Variants in DACH1 observed in about 807,000 individuals in gnomAD.
DACH1 encodes the protein dachshund homolog 1.
A neutral mutation model predicts 54.2 loss-of-function variants in DACH1; 12 were observed. That is an observed-to-expected ratio of 0.22 (90% confidence interval 0.14 to 0.36). The LOEUF is 0.36. DACH1 is among the 10% of genes least tolerant of loss of function. The probability of loss-of-function intolerance (pLI) is 1.00; values close to 1 mark genes in which losing one functional copy is unlikely to be tolerated. For synonymous variants in DACH1, 386 were observed against 366.2 expected (o/e 1.05, Z -0.62); for missense variants, 805 against 929.8 (o/e 0.87, Z 1.75).
At chr13:71,440,879 G>A (rs1873953634) in intron 10 of DACH1, among the ~76,000 whole-genome samples, 187 bp from the exon 11 acceptor site, 1 of 151,960 alleles carries the variant, frequency 6.6e-6, no homozygotes, top group African/African-American at 2.4e-5. Flanking sequence ...TTATGTGACT[G>A]AAAAGAATAC....
intron 1 of DACH1, among the ~76,000 whole-genome samples, chr13:71,741,822 G>C (rs1194553378): frequency 1.3e-5 from 2 of 152,006 alleles, no homozygotes; most frequent in Non-Finnish European, 2.9e-5. Context: ...CTTAGTCAAA[G>C]AATGAAACAG....
At chr13:71,828,221 G>T (rs1888452553) in intron 1 of DACH1, among the ~76,000 whole-genome samples, 1 of 151,902 alleles carries the variant, frequency 6.6e-6, no homozygotes, top group Non-Finnish European at 1.5e-5. Flanking sequence ...TGTTTTCTGT[G>T]CTAAACTCTT....
intron 1 of DACH1, among the ~76,000 whole-genome samples, chr13:71,726,428 G>C (rs1471604843): frequency 6.6e-6 from 1 of 151,988 alleles, no homozygotes; most frequent in African/African-American, 2.4e-5. Context: ...TAATTGTTTG[G>C]ATATCTAAAC....
intron 1 of DACH1, among the ~76,000 whole-genome samples, chr13:71,814,543 A>G (rs533695736): frequency 1.8e-4 from 28 of 152,360 alleles, no homozygotes; most frequent in Non-Finnish European, 2.9e-4. Context: ...ATACAACTAA[A>G]ATTTTAAAGC....
intron 6 of DACH1, among the ~76,000 whole-genome samples, chr13:71,550,554 A>G (rs1030660289): frequency 6.6e-5 from 10 of 152,186 alleles, no homozygotes; most frequent in Non-Finnish European, 1.2e-4. Context: ...ATTTTATACC[A>G]ATTGCCCATC....
At position 71,440,549 on chromosome 13, in the gene DACH1, C is replaced by T. The variant is rs1873923554; in HGVS notation, c.*106G>A. ...TTAAAGAACATTAATACACAAAATT[C>T]AGGAAGTTCCCTTAAAAGGACTTTA... On this transcript the variant is annotated 3_prime_UTR_variant, in exon 11 of 11. Transcript: ENST00000613252. 3.7e-6 allele frequency: 3 copies of T among 815,938 alleles called. No homozygotes were observed. The highest frequency in any genetic ancestry group is 3.9e-6 in the Non-Finnish European group (2 of 514,180). The allele number at this position is 815,938 out of a possible 1,614,324, so 50.5% of individuals were successfully genotyped here.
intron 1 of DACH1, among the ~76,000 whole-genome samples, chr13:71,703,430 A>G (rs1161311520): frequency 6.6e-6 from 1 of 152,198 alleles, no homozygotes; most frequent in Non-Finnish European, 1.5e-5. Context: ...TCAGCAGACC[A>G]TAGCAGAGCT....
At chr13:71,484,690 C>T (rs944361572) in intron 7 of DACH1, among the ~76,000 whole-genome samples, 1 of 152,056 alleles carries the variant, frequency 6.6e-6, no homozygotes, top group Admixed American at 6.6e-5. Flanking sequence ...GTTTGTAAGC[C>T]ACTTTTTAAA....
chr13:71,746,158 C>T (rs974074281), intron 1 of DACH1, among the ~76,000 whole-genome samples: 7 of 152,072 alleles, frequency 4.6e-5, no homozygotes, highest in East Asian at 1.9e-4. Flanking sequence ...GCAGAGGTTG[C>T]GCTGAGCCGA....
At chr13:71,625,335 C>T (rs1876566616) in intron 3 of DACH1, among the ~76,000 whole-genome samples, 1 of 151,930 alleles carries the variant, frequency 6.6e-6, no homozygotes. Flanking sequence ...CTTTTATTTG[C>T]TTTCTCAAGG....
chr13:71,597,485 A>G (rs549939150), intron 3 of DACH1, among the ~76,000 whole-genome samples: 1 of 152,294 alleles, frequency 6.6e-6, no homozygotes, highest in African/African-American at 2.4e-5. Flanking sequence ...AATGCACACA[A>G]TTTATTTCCC....
chr13:71,761,189 T>C (rs1223991310), intron 1 of DACH1, among the ~76,000 whole-genome samples: 1 of 152,176 alleles, frequency 6.6e-6, no homozygotes, highest in African/African-American at 2.4e-5. Flanking sequence ...CTCATTTTAA[T>C]CCTAATCTTT....
chr13:71,609,746 C>T (rs940129908), intron 3 of DACH1, among the ~76,000 whole-genome samples: 2 of 151,956 alleles, frequency 1.3e-5, no homozygotes, highest in African/African-American at 4.8e-5. Flanking sequence ...AGGCTGGTCT[C>T]GAACTCCAGA....
intron 3 of DACH1, among the ~76,000 whole-genome samples, chr13:71,627,335 C>CAAAAAAAAAAAAAAAAAAACAAAAAAAAA (rs1221837020): frequency 1.4e-5 from 1 of 70,104 alleles, no homozygotes; most frequent in African/African-American, 4.4e-5. Context: ...AACGCTCTTA[C>CAAAAAAAAAAAAAAAAAAACAAAAAAAAA]AAAAAAAAAA....
At chr13:71,683,343 G>A (rs1566430288) in intron 1 of DACH1, among the ~76,000 whole-genome samples, 1 of 152,202 alleles carries the variant, frequency 6.6e-6, no homozygotes, top group Admixed American at 6.5e-5. Flanking sequence ...AAGGAAGAAG[G>A]CAGCGGGAAC....
At chr13:71,653,403 C>T (rs185734872) in intron 2 of DACH1, among the ~76,000 whole-genome samples, 9 of 152,284 alleles carry the variant, frequency 5.9e-5, no homozygotes, top group Non-Finnish European at 1.2e-4. Context: ...GTCAATTCAG[C>T]TCCAGTGCTG....
intron 10 of DACH1, among the ~76,000 whole-genome samples, chr13:71,450,120 C>T (rs1294979936): frequency 2.0e-5 from 3 of 150,844 alleles, no homozygotes; most frequent in African/African-American, 7.3e-5. Context: ...TGATAAGGTA[C>T]AGGCTTACCT....
chr13:71,749,505 C>T (rs1187200016), intron 1 of DACH1, among the ~76,000 whole-genome samples: 1 of 151,862 alleles, frequency 6.6e-6, no homozygotes, highest in Non-Finnish European at 1.5e-5. Context: ...TGGATAATGC[C>T]GCAAATCCCA....
At chr13:71,819,805 A>G (rs1006995696) in intron 1 of DACH1, among the ~76,000 whole-genome samples, 2 of 152,184 alleles carry the variant, frequency 1.3e-5, no homozygotes, top group African/African-American at 2.4e-5. Context: ...TCATGCACAA[A>G]TGAGGAAAAG....
Sources: gnomAD v4.1 joint callset for allele counts (sites outside exome capture counted in the v4.1 genomes callset) on GRCh38, gnomAD v4.1.1 for gene constraint, MANE v1.5 for transcripts, NCBI Gene and HGNC (gene_info 2026-07-23, HGNC 2026-07-21) for gene names.